MORC4: variants seen among roughly 807,000 people sequenced by gnomAD.
MORC4 encodes the protein MORC family CW-type zinc finger 4.
In MORC4, 22 loss-of-function variants were observed where a neutral mutation model predicts 65.5. The observed-to-expected ratio is 0.34, with a 90% CI of 0.24 to 0.48. The LOEUF (loss-of-function observed/expected upper bound fraction) is 0.48. MORC4 is among the 20% of genes least tolerant of loss of function. The pLI is 0.99. For synonymous variants in MORC4, 267 were observed against 255.8 expected (o/e 1.04, Z -0.42); for missense variants, 624 against 703.0 (o/e 0.89, Z 1.27).
chrX:106,956,570 T>C (rs1388427443), intron 12 of MORC4, 36 bp from the exon 13 acceptor site: 4 of 1,075,820 alleles, frequency 3.7e-6, no homozygotes, highest in South Asian at 1.9e-5. Context: ...AGTTCACTCA[T>C]GAAACTTCTC....
chrX:106,983,713 T>C (rs1006315624), intron 5 of MORC4, among the ~76,000 whole-genome samples: 2 of 71,658 alleles, frequency 2.8e-5, no homozygotes, highest in African/African-American at 8.8e-5. Context: ...TTTCTACTTC[T>C]TTTTTTTTTT....
Position 106,976,593 on chromosome X carries a change from T to C in MORC4, c.1148A>G (p.Lys383Arg). The change falls in exon 9 of 17, where the codon AAG becomes AGG. Residue 383 changes from lysine to arginine, a missense_variant. Coordinates refer to ENST00000355610, the MANE Select transcript of MORC4 (RefSeq NM_024657.5). Reference protein sequence around the residue: ...AYNKQDFEYTKEYRLTINALA... With the variant: ...AYNKQDFEYTREYRLTINALA... ...GTTGGGAGTGACTCACCGGTACTCCTTGGTATACTCAAAGTCTTGTTTGTT... is the reference window on the plus strand; with the variant it reads ...GTTGGGAGTGACTCACCGGTACTCCCTGGTATACTCAAAGTCTTGTTTGTT... 1 of 1,199,463 alleles carries C rather than the reference T, an allele frequency of 8.3e-7. No individual in the cohort carries two copies. The highest frequency in any genetic ancestry group is 3.0e-5 in the East Asian group (1 of 33,776).
chrX:106,958,212 G>A, intron 11 of MORC4, 124 bp downstream of exon 11: 1 of 596,397 alleles, frequency 1.7e-6, no homozygotes, highest in Non-Finnish European at 2.6e-6. Context: ...GGTAAGCTGG[G>A]GTCAGTCAGC....
intron 9 of MORC4, among the ~76,000 whole-genome samples, chrX:106,975,516 G>T (rs1934604661): frequency 9.0e-6 from 1 of 111,198 alleles, no homozygotes; most frequent in African/African-American, 3.3e-5. Context: ...AATTCTTGTG[G>T]TTACAGACAA....
chrX:106,955,782 T>C (rs1480155412), intron 13 of MORC4, among the ~76,000 whole-genome samples: 1 of 111,326 alleles, frequency 9.0e-6, no homozygotes, highest in Non-Finnish European at 1.9e-5. Context: ...TCCTCACCAG[T>C]CTGACCTACC....
chrX:106,960,253 G>A (rs374834988), intron 10 of MORC4, among the ~76,000 whole-genome samples: 6 of 112,366 alleles, frequency 5.3e-5, no homozygotes, highest in African/African-American at 1.9e-4. Flanking sequence ...ACTCTCTCAG[G>A]GATAGGCATG....
chrX:106,958,997 G>A (rs1438637030), intron 10 of MORC4, among the ~76,000 whole-genome samples: 2 of 111,437 alleles, frequency 1.8e-5, no homozygotes, highest in Non-Finnish European at 3.8e-5. Flanking sequence ...TCCCTACAGA[G>A]ACTCCTTATT....
chrX:106,947,605 T>TATTATATATATATATATAA (rs1569295513), intron 14 of MORC4, among the ~76,000 whole-genome samples: 1 of 93,995 alleles, frequency 1.1e-5, no homozygotes, highest in African/African-American at 4.0e-5. Context: ...TATATATATA[T>TATTATATATATATATATAA]AAAACACACT....
At position 106,999,869 on chromosome X, in the gene MORC4, G is replaced by C; in HGVS notation, c.101C>G (p.Thr34Arg). 2 of 839,344 alleles carry C rather than the reference G, an allele frequency of 2.4e-6. No individual in the cohort carries two copies. The highest frequency in any genetic ancestry group is 2.9e-6 in the Non-Finnish European group (2 of 692,672). The allele number at this position is 839,344 out of a possible 1,213,427, so 69.2% of individuals were successfully genotyped here. The change falls in exon 1 of 17, where the codon ACG (threonine) becomes AGG (arginine). Residue 34 changes from threonine to arginine, a missense_variant and splice_region_variant. Coordinates refer to ENST00000355610, the MANE Select transcript of MORC4 (RefSeq NM_024657.5). ...GPQAFGIRLS[T>R]MSPRYLQSNS... The stretch of plus-strand genomic sequence containing the variant: ...CGCCCCCTCGGGCCCCGGACCTACC[G>C]TGCTCAGGCGGATCCCGAAGGCCTG...
chrX:106,977,648 A>G (rs765233435), intron 8 of MORC4, among the ~76,000 whole-genome samples: 1 of 111,604 alleles, frequency 9.0e-6, no homozygotes, highest in Non-Finnish European at 1.9e-5. Flanking sequence ...CTTCAGATAA[A>G]TTAAACAATT....
intron 2 of MORC4, among the ~76,000 whole-genome samples, chrX:106,993,847 CT>C (rs1935027474): frequency 8.9e-6 from 1 of 112,053 alleles, no homozygotes; most frequent in Non-Finnish European, 1.9e-5. Context: ...CTTACATCAC[CT>C]CCTCTGTTAA....
chrX:106,984,465 C>CTTTTTTTTTTTTTT (rs762110163), intron 5 of MORC4, among the ~76,000 whole-genome samples: 4 of 71,386 alleles, frequency 5.6e-5, no homozygotes, highest in Non-Finnish European at 7.4e-5. Context: ...TTTCTTTTTT[C>CTTTTTTTTTTTTTT]TTTTTTTTTT....
At chrX:106,988,555 C>T (rs1249458744) in intron 3 of MORC4, among the ~76,000 whole-genome samples, 1 of 111,833 alleles carries the variant, frequency 8.9e-6, no homozygotes, top group African/African-American at 3.3e-5. Flanking sequence ...TTCTCATGTT[C>T]GGCATTCTAT....
At chrX:106,954,777 T>C (rs1934062235) in intron 14 of MORC4, 136 bp downstream of exon 14, 1 of 571,878 alleles carries the variant, frequency 1.7e-6, no homozygotes, top group Non-Finnish European at 2.8e-6. Flanking sequence ...TCTATCAACT[T>C]AAAATTGTGT....
At chrX:106,987,592 G>C (rs1281383794) in intron 3 of MORC4, among the ~76,000 whole-genome samples, 1 of 111,578 alleles carries the variant, frequency 9.0e-6, no homozygotes, top group Non-Finnish European at 1.9e-5. Context: ...CAATAAAATA[G>C]ATACTCTGGT....
At chrX:106,981,316 C>T in intron 6 of MORC4, 29 bp downstream of exon 6, 2 of 1,163,630 alleles carry the variant, frequency 1.7e-6, no homozygotes, top group Non-Finnish European at 2.3e-6. Context: ...AATCTTACCT[C>T]TCATTGTTGA....
intron 7 of MORC4, among the ~76,000 whole-genome samples, chrX:106,979,772 G>A (rs1190236447): frequency 9.0e-6 from 1 of 110,885 alleles, no homozygotes; most frequent in Non-Finnish European, 1.9e-5. Context: ...ACAGGTATGT[G>A]TTATATCCTA....
chrX:106,974,972 G>A (rs1934593891), intron 9 of MORC4, among the ~76,000 whole-genome samples: 1 of 111,435 alleles, frequency 9.0e-6, no homozygotes, highest in Admixed American at 9.6e-5. Flanking sequence ...AAAGTGTGTA[G>A]CAGATGTTAT....
At chrX:106,969,820 T>C (rs1201892547) in intron 9 of MORC4, among the ~76,000 whole-genome samples, 2 of 111,802 alleles carry the variant, frequency 1.8e-5, no homozygotes, top group Admixed American at 9.5e-5. Flanking sequence ...GGCTCTGAAA[T>C]TGAGGCAATA....
Sources: gnomAD v4.1 joint callset for allele counts (sites outside exome capture counted in the v4.1 genomes callset) on GRCh38, gnomAD v4.1.1 for gene constraint, MANE v1.5 for transcripts, NCBI Gene and HGNC (gene_info 2026-07-23, HGNC 2026-07-21) for gene names.